The following GTF2E1 variants were observed in gnomAD, a reference collection of about 807,000 sequenced individuals.
GTF2E1 encodes the protein general transcription factor IIE subunit 1.
In GTF2E1, 14 loss-of-function variants were observed where a neutral mutation model predicts 34.9. The ratio of observed to expected loss-of-function variants is 0.40; its 90% CI spans 0.27 to 0.63. The LOEUF is 0.63. Ranked by LOEUF, GTF2E1 falls within the 20% of genes least tolerant of loss-of-function variation. The pLI, the probability that GTF2E1 is intolerant of heterozygous loss-of-function variation, is 0.39. For synonymous variants in GTF2E1, 188 were observed against 192.9 expected (o/e 0.97, Z 0.21); for missense variants, 469 against 557.7 (o/e 0.84, Z 1.60).
At chr3:120,765,336 G>C (rs2107610143) in intron 2 of GTF2E1, among the ~76,000 whole-genome samples, 1 of 152,164 alleles carries the variant, frequency 6.6e-6, no homozygotes. Context: ...TTCGTTATCT[G>C]CAATGGGATT....
intron 2 of GTF2E1, among the ~76,000 whole-genome samples, chr3:120,768,350 T>G (rs1709325863): frequency 6.6e-6 from 1 of 152,176 alleles, no homozygotes. Flanking sequence ...GCAAAGGCTC[T>G]GCAGCAGAGT....
chr3:120,746,624 C>T (rs182184886), intron 1 of GTF2E1, among the ~76,000 whole-genome samples: 3 of 152,194 alleles, frequency 2.0e-5, no homozygotes, highest in East Asian at 3.9e-4. Flanking sequence ...AATGGTGAAA[C>T]CCTGTCACTA....
rs571241413 is a variant in GTF2E1 at position 120,765,004 on chromosome 3, ATTG to A, written c.449-5718_449-5716del. ...CTGAGCATTACTGTTTTTTTTTTTA[ATTG>A]TTGTTACCAATCCCTTCCCCCCACC... On this transcript the variant is annotated intron_variant, in intron 2 of 4. Transcript: ENST00000283875. Among the ~76,000 whole-genome samples, 14 of 150,888 alleles carry A rather than the reference ATTG, an allele frequency of 9.3e-5. 1 individual carries two copies. The South Asian group carries it at 2.9e-3, about 32-fold the overall frequency.
chr3:120,754,479 C>G (rs919138845), intron 2 of GTF2E1, among the ~76,000 whole-genome samples: 1 of 151,994 alleles, frequency 6.6e-6, no homozygotes, highest in Non-Finnish European at 1.5e-5. Flanking sequence ...TTTCCTTTCC[C>G]CTCCTTTTGG....
At chr3:120,756,545 C>G (rs1408489013) in intron 2 of GTF2E1, among the ~76,000 whole-genome samples, 3 of 152,058 alleles carry the variant, frequency 2.0e-5, no homozygotes, top group African/African-American at 7.2e-5. Flanking sequence ...AGTATCGTCC[C>G]TCTTCTACCC....
At chr3:120,768,564 A>G (rs1709327441) in intron 2 of GTF2E1, among the ~76,000 whole-genome samples, 1 of 152,210 alleles carries the variant, frequency 6.6e-6, no homozygotes, top group Admixed American at 6.5e-5. Flanking sequence ...ACAGAACTAG[A>G]TAACTTGTCT....
intron 1 of GTF2E1, among the ~76,000 whole-genome samples, chr3:120,748,576 T>C (rs943038594): frequency 7.2e-5 from 11 of 152,336 alleles, no homozygotes; most frequent in Middle Eastern, 6.8e-3. Context: ...TGCAGCGTTA[T>C]TTCTGAGGGC....
intron 3 of GTF2E1, among the ~76,000 whole-genome samples, chr3:120,773,277 G>A (rs1398398537): frequency 6.6e-6 from 1 of 152,128 alleles, no homozygotes; most frequent in Non-Finnish European, 1.5e-5. Context: ...TACTATAGGA[G>A]TATGAAGTTT....
At chr3:120,771,763 A>G (rs1312049391) in intron 3 of GTF2E1, among the ~76,000 whole-genome samples, 4 of 152,178 alleles carry the variant, frequency 2.6e-5, no homozygotes, top group East Asian at 1.9e-4. Context: ...AGATGGTTCA[A>G]AGCAATCCAA....
In GTF2E1 at chr3:120,750,922, C is replaced by T. The variant is rs1274466200; in HGVS notation, c.370C>T (p.Arg124Trp). The change falls in exon 2 of 5, where the codon CGG (arginine) becomes TGG (tryptophan). Residue 124 changes from arginine to tryptophan, a missense_variant. Arg to Trp is a moderately radical substitution (Grantham distance 101, BLOSUM62 -3). Coordinates refer to ENST00000283875, the MANE Select transcript of GTF2E1 (RefSeq NM_005513.3). Reference protein sequence around the residue: ...IETDERDSTNRASFKCPVCSS... With the variant: ...IETDERDSTNWASFKCPVCSS... Reference sequence around the variant, plus strand: ...GACCGATGAGAGAGATTCGACCAACCGGGCTTCCTTCAAATGTCCTGTCTG... The same window carrying T: ...GACCGATGAGAGAGATTCGACCAACTGGGCTTCCTTCAAATGTCCTGTCTG... The T allele has an allele frequency of 6.2e-6, 10 of 1,613,774 alleles. No homozygotes were observed. In the African/African-American group the frequency reaches 6.7e-5, roughly 11 times the overall value.
At chr3:120,766,655 A>G (rs904488665) in intron 2 of GTF2E1, among the ~76,000 whole-genome samples, 3 of 151,982 alleles carry the variant, frequency 2.0e-5, no homozygotes, top group Admixed American at 1.3e-4. Context: ...AGCTTTTCCT[A>G]GTGTCCTCAG....
intron 2 of GTF2E1, 141 bp downstream of exon 2, chr3:120,751,141 T>A: frequency 1.6e-6 from 1 of 607,902 alleles, no homozygotes; most frequent in Non-Finnish European, 2.8e-6. Context: ...ATACAGTCAG[T>A]CTTACTGTCC....
At chr3:120,765,497 A>G (rs890807874) in intron 2 of GTF2E1, among the ~76,000 whole-genome samples, 1 of 152,184 alleles carries the variant, frequency 6.6e-6, no homozygotes, top group Non-Finnish European at 1.5e-5. Flanking sequence ...ATGTATATAC[A>G]TGGGAAAAGT....
rs1709156601 is a variant in GTF2E1 at position 120,750,597 on chromosome 3, G to C, written c.45G>C (p.Lys15Asn). The C allele has an allele frequency of 6.2e-7, 1 of 1,613,814 alleles. No individual in the cohort carries two copies. Among genetic ancestry groups the C allele is most frequent in the East Asian group, 2.2e-5 (1 of 44,862 alleles). Residue 15 changes from lysine to asparagine, a missense_variant, in exon 2 of 5, where the codon AAG becomes AAC. Lys to Asn is a moderately conservative substitution (Grantham distance 94, BLOSUM62 0). Transcript: ENST00000283875. ...TCACTGAAGTTCCAGCAGCATTGAA[G>C]CGGTTAGCCAAGTATGTGATCCGGG... is the stretch of plus-strand genomic sequence containing the variant. ...DVLTEVPAAL[K>N]RLAKYVIRGF... is the part of the protein sequence containing the mutation.
At chr3:120,753,690 C>T (rs1483816382) in intron 2 of GTF2E1, among the ~76,000 whole-genome samples, 2 of 152,180 alleles carry the variant, frequency 1.3e-5, no homozygotes, top group African/African-American at 4.8e-5. Context: ...GGAAACAGCC[C>T]AGCAAGGATT....
intron 2 of GTF2E1, among the ~76,000 whole-genome samples, chr3:120,767,991 C>T (rs1207011292): frequency 6.6e-6 from 1 of 152,132 alleles, no homozygotes; most frequent in African/African-American, 2.4e-5. Context: ...GGATGAGCTA[C>T]ACTGACAAGC....
chr3:120,777,834 T>A (rs780902399), intron 4 of GTF2E1, among the ~76,000 whole-genome samples: 1 of 152,228 alleles, frequency 6.6e-6, no homozygotes, highest in Non-Finnish European at 1.5e-5. Flanking sequence ...CAAGTGATTC[T>A]CTTGCCTCAG....
At chr3:120,769,371 A>C (rs1709334134) in intron 2 of GTF2E1, among the ~76,000 whole-genome samples, 2 of 152,196 alleles carry the variant, frequency 1.3e-5, no homozygotes, top group Middle Eastern at 3.2e-3. Context: ...GGGAAGCCAC[A>C]TACCATGGGG....
At chr3:120,769,947 G>A (rs1050246643) in intron 2 of GTF2E1, among the ~76,000 whole-genome samples, 2 of 152,098 alleles carry the variant, frequency 1.3e-5, no homozygotes, top group Admixed American at 6.6e-5. Context: ...TATTATACTG[G>A]TAATGTATCA....
Sources: allele counts gnomAD v4.1 joint callset (sites outside exome capture counted in the v4.1 genomes callset), GRCh38; gene constraint gnomAD v4.1.1; transcripts MANE v1.5; gene names NCBI Gene and HGNC (gene_info 2026-07-23, HGNC 2026-07-21).